MCTP1: variants seen among roughly 807,000 people sequenced by gnomAD.
The protein encoded by MCTP1 is multiple C2 and transmembrane domain-containing protein 1.
Under a neutral mutation model 120.6 loss-of-function variants are expected in MCTP1, and 69 were observed. The ratio of observed to expected loss-of-function variants is 0.57; its 90% confidence interval spans 0.47 to 0.70. MCTP1 has a LOEUF of 0.70. Among genes scored for constraint, MCTP1 ranks in the 30% least tolerant of loss-of-function variants. MCTP1 has a pLI of 0.00. For synonymous variants in MCTP1, 529 were observed against 493.1 expected (o/e 1.07, Z -0.96); for missense variants, 1,203 against 1,248.8 (o/e 0.96, Z 0.55).
At chr5:94,833,100 G>A (rs181619867) in intron 17 of MCTP1, among the ~76,000 whole-genome samples, 5 of 152,090 alleles carry the variant, frequency 3.3e-5, no homozygotes, top group African/African-American at 9.6e-5. Context: ...CAAAGAAAAC[G>A]CATCTGAAAA....
intron 1 of MCTP1, among the ~76,000 whole-genome samples, chr5:95,177,160 T>G (rs1748091152): frequency 6.6e-6 from 1 of 151,302 alleles, no homozygotes. Context: ...TATATCTATA[T>G]TTATATATTT....
intron 18 of MCTP1, among the ~76,000 whole-genome samples, chr5:94,785,772 AG>A (rs1777542923): frequency 1.3e-5 from 2 of 152,124 alleles, no homozygotes; most frequent in Non-Finnish European, 1.5e-5. Flanking sequence ...GTCTAATAAA[AG>A]GTACACATTA....
chr5:94,727,031 A>G (rs1762266487), intron 19 of MCTP1, among the ~76,000 whole-genome samples: 1 of 152,224 alleles, frequency 6.6e-6, no homozygotes, highest in Non-Finnish European at 1.5e-5. Flanking sequence ...TTCTTTACAA[A>G]TATTTTACAA....
At chr5:95,202,831 G>A (rs1459273122) in intron 1 of MCTP1, among the ~76,000 whole-genome samples, 1 of 152,106 alleles carries the variant, frequency 6.6e-6, no homozygotes, top group African/African-American at 2.4e-5. Flanking sequence ...GGGCTCAAGA[G>A]ATTCTCCTGC....
intron 17 of MCTP1, among the ~76,000 whole-genome samples, chr5:94,822,361 C>T (rs1785871603): frequency 6.6e-6 from 1 of 152,178 alleles, no homozygotes; most frequent in Non-Finnish European, 1.5e-5. Context: ...TTTCCAACTT[C>T]ATCCATGTCC....
chr5:94,960,985 C>T (rs159012), intron 2 of MCTP1, among the ~76,000 whole-genome samples: 32,811 of 152,002 alleles, frequency 0.22, 3,696 homozygotes, highest in Non-Finnish European at 0.24. Flanking sequence ...ATGTTTACTG[C>T]GGCACTCTTC....
intron 9 of MCTP1, among the ~76,000 whole-genome samples, chr5:94,910,704 C>G (rs1808328566): frequency 6.6e-6 from 1 of 152,082 alleles, no homozygotes; most frequent in Non-Finnish European, 1.5e-5. Flanking sequence ...ATGTTTTTAG[C>G]CTAACTAGAA....
intron 1 of MCTP1, among the ~76,000 whole-genome samples, chr5:95,163,547 T>C (rs1745983228): frequency 1.3e-5 from 2 of 152,234 alleles, no homozygotes; most frequent in South Asian, 2.1e-4. Context: ...GCAGTAGGAC[T>C]GCCTAACACG....
intron 1 of MCTP1, among the ~76,000 whole-genome samples, chr5:95,185,745 C>T (rs1005726595): frequency 6.6e-6 from 1 of 152,058 alleles, no homozygotes; most frequent in Admixed American, 6.6e-5. Flanking sequence ...CGCCTGTAAT[C>T]CCAGCACTTT....
At chr5:94,749,393 G>T (rs1450220634) in intron 19 of MCTP1, among the ~76,000 whole-genome samples, 1 of 152,038 alleles carries the variant, frequency 6.6e-6, no homozygotes, top group Non-Finnish European at 1.5e-5. Flanking sequence ...GGTGGCTCAC[G>T]TCTGTAATCC....
At chr5:95,131,081 C>T (rs1221423012) in intron 1 of MCTP1, among the ~76,000 whole-genome samples, 1 of 152,136 alleles carries the variant, frequency 6.6e-6, no homozygotes, top group South Asian at 2.1e-4. Context: ...TGGCCAATGT[C>T]GCTGTCCATC....
At chr5:94,808,119 A>G (rs77720880) in intron 17 of MCTP1, among the ~76,000 whole-genome samples, 2,392 of 152,130 alleles carry the variant, frequency 0.016, 27 homozygotes, top group Middle Eastern at 0.034. Flanking sequence ...GTCAGGCTCC[A>G]CCACATCATC....
In MCTP1 at chr5:94,814,240, C is replaced by CAAAT. The variant is rs557540618; in HGVS notation, c.2437-15112_2437-15109dup. ...GTGCTAAAAATAAATACACAATACA[C>CAAAT]AAATAAATAAATAAAAAGTGCTAAA... On this transcript the variant is annotated intron_variant, in intron 17 of 22. Transcript: ENST00000515393. 4.1e-3 allele frequency among the ~76,000 whole-genome samples: 631 copies of CAAAT among 152,180 alleles called. 2 individuals are homozygous for CAAAT. The highest frequency in any genetic ancestry group is 0.015 in the African/African-American group (603 of 41,526).
At chr5:95,010,997 C>A (rs1048249740) in intron 2 of MCTP1, among the ~76,000 whole-genome samples, 1 of 152,094 alleles carries the variant, frequency 6.6e-6, no homozygotes, top group African/African-American at 2.4e-5. Flanking sequence ...GACAAGAATG[C>A]CACAGAAATG....
chr5:95,260,198 T>C (rs1184839781), intron 1 of MCTP1, among the ~76,000 whole-genome samples: 2 of 152,168 alleles, frequency 1.3e-5, no homozygotes, highest in Non-Finnish European at 2.9e-5. Flanking sequence ...AAGTTAAATA[T>C]TAAATTTGAA....
At chr5:95,014,768 A>G (rs568265633) in intron 2 of MCTP1, among the ~76,000 whole-genome samples, 47 of 152,214 alleles carry the variant, frequency 3.1e-4, no homozygotes, top group African/African-American at 1.1e-3. Flanking sequence ...GAGATGACTG[A>G]CTCCAATTTT....
At chr5:95,225,343 T>C (rs147882264) in intron 1 of MCTP1, among the ~76,000 whole-genome samples, 2 of 152,312 alleles carry the variant, frequency 1.3e-5, no homozygotes, top group Non-Finnish European at 2.9e-5. Flanking sequence ...GATGTTAGAA[T>C]AATTCAGCTG....
chr5:94,821,967 A>C (rs1413099994), intron 17 of MCTP1, among the ~76,000 whole-genome samples: 1 of 152,212 alleles, frequency 6.6e-6, no homozygotes, highest in Non-Finnish European at 1.5e-5. Flanking sequence ...ACAGATGAGT[A>C]GCATGTGGCT....
Position 95,128,708 on chromosome 5 carries a change from G to A in MCTP1, c.721-111224C>T, listed in dbSNP as rs911758144. Among the ~76,000 whole-genome samples the A allele has an allele frequency of 6.6e-5, 10 of 152,162 alleles. 1 individual carries two copies. Among genetic ancestry groups the A allele is most frequent in the African/African-American group, 2.2e-4 (9 of 41,426 alleles). On this transcript the variant is annotated intron_variant, in intron 1 of 22. Transcript: ENST00000515393. The stretch of plus-strand genomic sequence containing the variant: ...GAGAGACTAGGGAGTGATAACTAAG[G>A]GGCACAGGATTTCTTCTTGGGTGAA...
Sources: allele counts gnomAD v4.1 joint callset (sites outside exome capture counted in the v4.1 genomes callset), GRCh38; gene constraint gnomAD v4.1.1; transcripts MANE v1.5; gene names NCBI Gene and HGNC (gene_info 2026-07-23, HGNC 2026-07-21).